The following KANSL1 variants were observed in gnomAD, a reference collection of about 807,000 sequenced individuals.
KANSL1 encodes the protein KAT8 regulatory NSL complex subunit 1.
A neutral mutation model predicts 103.6 loss-of-function variants in KANSL1; 22 were observed. The observed-to-expected ratio is 0.21, with a 90% CI of 0.15 to 0.30. The LOEUF is 0.30. Ranked by LOEUF, KANSL1 falls within the 10% of genes least tolerant of loss-of-function variation. The pLI is 1.00. For synonymous variants in KANSL1, 600 were observed against 527.6 expected (o/e 1.14, Z -1.88); for missense variants, 1,337 against 1,399.8 (o/e 0.96, Z 0.72).
chr17:46,210,271 G>A (rs976789481), intron 1 of KANSL1, among the ~76,000 whole-genome samples: 3 of 152,014 alleles, frequency 2.0e-5, no homozygotes, highest in African/African-American at 7.3e-5. Flanking sequence ...TCAGGAGATC[G>A]AGACCATCCT....
intron 2 of KANSL1, among the ~76,000 whole-genome samples, chr17:46,137,866 CAAA>C (rs368446805): frequency 5.4e-5 from 5 of 92,448 alleles, no homozygotes; most frequent in Non-Finnish European, 2.2e-5. Flanking sequence ...GACTCTGTCT[CAAA>C]AAAAAAAAAA....
intron 6 of KANSL1, among the ~76,000 whole-genome samples, chr17:46,064,611 C>G (rs1240927939): frequency 6.6e-6 from 1 of 152,156 alleles, no homozygotes; most frequent in Admixed American, 6.6e-5. Context: ...TCTGTAACAA[C>G]TGACACAGAC....
intron 1 of KANSL1, among the ~76,000 whole-genome samples, chr17:46,209,454 G>A (rs1232792880): frequency 4.9e-4 from 74 of 152,190 alleles, no homozygotes; most frequent in Non-Finnish European, 7.9e-4. Flanking sequence ...TATGTCAGAT[G>A]TCAGGTAGTC....
chr17:46,092,946 A>G (rs1339809838), intron 3 of KANSL1: 1 of 152,206 alleles, frequency 6.6e-6, no homozygotes. Context: ...CTTAAGTTCT[A>G]TGAAATGTAG....
At chr17:46,137,777 G>A (rs1163320302) in intron 2 of KANSL1, among the ~76,000 whole-genome samples, 1 of 151,186 alleles carries the variant, frequency 6.6e-6, no homozygotes. Flanking sequence ...TGAGGCAGGA[G>A]AATGGCGTGA....
At chr17:46,107,038 G>A (rs73984689) in intron 2 of KANSL1, among the ~76,000 whole-genome samples, 22,973 of 151,996 alleles carry the variant, frequency 0.15, 2,204 homozygotes, top group Non-Finnish European at 0.22. Flanking sequence ...ACAACACAGT[G>A]ACAAAAGCAT....
chr17:46,198,142 G>A (rs2047674381), upstream of KANSL1, among the ~76,000 whole-genome samples: 1 of 151,954 alleles, frequency 6.6e-6, no homozygotes, highest in South Asian at 2.1e-4. Context: ...AAAAGGTAGA[G>A]TGTAGTACTT....
chr17:46,177,879 G>A (rs1055495627), intron 1 of KANSL1, among the ~76,000 whole-genome samples: 6 of 152,144 alleles, frequency 3.9e-5, no homozygotes, highest in South Asian at 2.1e-4. Flanking sequence ...CCGGGTTCAC[G>A]CCATTCTCCT....
At chr17:46,103,369 T>C (rs911450408) in intron 2 of KANSL1, among the ~76,000 whole-genome samples, 2 of 152,240 alleles carry the variant, frequency 1.3e-5, no homozygotes, top group African/African-American at 4.8e-5. Flanking sequence ...GAATTATTTT[T>C]AAGCCAATTC....
At chr17:46,057,550 T>A (rs2077977237) in intron 6 of KANSL1, among the ~76,000 whole-genome samples, 1 of 152,152 alleles carries the variant, frequency 6.6e-6, no homozygotes, top group African/African-American at 2.4e-5. Flanking sequence ...CAGTGGTTGA[T>A]AACAAACAGT....
intron 1 of KANSL1, among the ~76,000 whole-genome samples, chr17:46,219,486 T>C (rs1372938934): frequency 2.1e-4 from 32 of 152,168 alleles, no homozygotes; most frequent in South Asian, 4.1e-4. Flanking sequence ...CCTAGGCCTC[T>C]CAAGTAGCTG....
chr17:46,186,852 T>A (rs1346976329), intron 1 of KANSL1, among the ~76,000 whole-genome samples: 2 of 152,120 alleles, frequency 1.3e-5, no homozygotes, highest in African/African-American at 2.4e-5. Flanking sequence ...CTCAGCCTCT[T>A]GAGTAGCTGG....
intron 2 of KANSL1, among the ~76,000 whole-genome samples, chr17:46,122,826 A>ATG (rs1567699890): frequency 2.6e-5 from 4 of 151,718 alleles, no homozygotes; most frequent in Admixed American, 6.6e-5. Flanking sequence ...CACGAACCGC[A>ATG]CCCATAAAAG....
intron 2 of KANSL1, among the ~76,000 whole-genome samples, chr17:46,110,794 G>C (rs1160183842): frequency 6.6e-6 from 1 of 152,140 alleles, no homozygotes; most frequent in Non-Finnish European, 1.5e-5. Flanking sequence ...AGAGAAATAA[G>C]GTTGGGGTGG....
intron 2 of KANSL1, among the ~76,000 whole-genome samples, chr17:46,164,834 A>G (rs1302176584): frequency 6.6e-6 from 1 of 152,236 alleles, no homozygotes; most frequent in Non-Finnish European, 1.5e-5. Context: ...TAATTAGAAA[A>G]ATGGTTACAT....
chr17:46,099,150 C>T lies in KANSL1; in HGVS notation c.1290-4449G>A, dbSNP rs1312202540. On this transcript the variant is annotated intron_variant, in intron 2 of 14. Coordinates refer to ENST00000432791, the MANE Select transcript of KANSL1 (RefSeq NM_015443.4). ...CATCCTGGCTAACACGGTGAAACCC[C>T]GTCTCTACTAAAAATACAAAAAAAT... Among the ~76,000 whole-genome samples, 8 of 129,992 alleles carry T rather than the reference C, an allele frequency of 6.2e-5. 3 individuals are homozygous for T. The highest frequency in any genetic ancestry group is 1.1e-4 in the Non-Finnish European group (6 of 53,948). The allele number at this position is 129,992 out of a possible 152,430, so 85.3% of individuals were successfully genotyped here.
chr17:46,184,442 T>C (rs548792652), intron 1 of KANSL1, among the ~76,000 whole-genome samples: 1 of 152,304 alleles, frequency 6.6e-6, no homozygotes, highest in Non-Finnish European at 1.5e-5. Flanking sequence ...AAAATGATTA[T>C]TAGAAAGGGA....
At chr17:46,086,873 A>G (rs1014406642) in intron 3 of KANSL1, among the ~76,000 whole-genome samples, 2 of 151,994 alleles carry the variant, frequency 1.3e-5, no homozygotes, top group African/African-American at 4.8e-5. Context: ...TAAGCCCAGG[A>G]GAGAGAGAGA....
At chr17:46,199,037 A>G (rs1444401375) in intron 1 of KANSL1, among the ~76,000 whole-genome samples, 1 of 152,234 alleles carries the variant, frequency 6.6e-6, no homozygotes, top group Non-Finnish European at 1.5e-5. Flanking sequence ...ATGTTCTCAC[A>G]TTAATATTTA....
Sources: allele counts gnomAD v4.1 joint callset (sites outside exome capture counted in the v4.1 genomes callset), GRCh38; gene constraint gnomAD v4.1.1; transcripts MANE v1.5; gene names NCBI Gene and HGNC (gene_info 2026-07-23, HGNC 2026-07-21).